Variants in NAALADL2 observed in about 807,000 individuals in gnomAD.
NAALADL2 encodes N-acetylated alpha-linked acidic dipeptidase like 2.
A neutral mutation model predicts 87.2 loss-of-function variants in NAALADL2; 76 were observed. That is an observed-to-expected ratio of 0.87 (90% CI 0.72 to 1.05). NAALADL2 has a LOEUF of 1.05. Ranked by LOEUF, NAALADL2 falls within the 50% of genes least tolerant of loss-of-function variation. The probability of loss-of-function intolerance (pLI) is 0.00; values close to 1 mark genes in which losing one functional copy is unlikely to be tolerated. For synonymous variants in NAALADL2, 354 were observed against 331.0 expected, an observed-to-expected ratio of 1.07 and a Z score of -0.75; for missense variants, 1,089 against 945.8, an observed-to-expected ratio of 1.15 and a Z score of -1.99.
chr3:175,181,678 C>CATATATATATATATATATATAT (rs140291952), intron 2 of NAALADL2, among the ~76,000 whole-genome samples: 20 of 51,884 alleles, frequency 3.9e-4, no homozygotes, highest in Admixed American at 1.0e-3. Flanking sequence ...ATTCCATTGG[C>CATATATATATATATATATATAT]ATATATATAT....
intron 2 of NAALADL2, among the ~76,000 whole-genome samples, chr3:175,109,434 A>G (rs929588240): frequency 2.0e-5 from 3 of 151,934 alleles, no homozygotes; most frequent in Non-Finnish European, 4.4e-5. Context: ...AGATACCTGC[A>G]TTTATGGTGT....
chr3:175,376,988 G>T (rs771439070), intron 5 of NAALADL2, among the ~76,000 whole-genome samples: 5 of 148,356 alleles, frequency 3.4e-5, no homozygotes, highest in African/African-American at 5.0e-5. Context: ...GTATTTATTT[G>T]CTTACCTGGC....
chr3:175,329,676 G>A (rs114274025), intron 5 of NAALADL2, among the ~76,000 whole-genome samples: 1,897 of 152,184 alleles, frequency 0.012, 44 homozygotes, highest in African/African-American at 0.043. Context: ...GTAAGTGTCT[G>A]GTGGTTCTTA....
chr3:175,540,663 G>A (rs1024577197), intron 9 of NAALADL2, among the ~76,000 whole-genome samples: 8 of 152,202 alleles, frequency 5.3e-5, no homozygotes, highest in African/African-American at 1.7e-4. Context: ...GACTCAGGTG[G>A]CACTTCTGGG....
chr3:175,803,249 A>T lies in NAALADL2; in HGVS notation c.*46A>T. On this transcript the variant is annotated 3_prime_UTR_variant, in exon 14 of 14. Transcript: ENST00000454872. ...AAAGTTTGTTTACAATTCCACAAGC[A>T]AAAGCTCTAATTTAACCAGATTTTC... The T allele has an allele frequency of 7.0e-7, 1 of 1,433,234 alleles. No individual in the cohort carries two copies. 88.8% of individuals were successfully genotyped at this position (1,433,234 alleles called of 1,614,324 possible).
chr3:175,499,983 G>T (rs565714917), intron 9 of NAALADL2, among the ~76,000 whole-genome samples: 52 of 152,072 alleles, frequency 3.4e-4, no homozygotes, highest in African/African-American at 1.3e-3. Context: ...TCCAAGTAGA[G>T]CGTCAATATT....
At chr3:174,887,925 A>C (rs546374741) in intron 1 of NAALADL2, among the ~76,000 whole-genome samples, 33 of 152,214 alleles carry the variant, frequency 2.2e-4, no homozygotes, top group Non-Finnish European at 3.7e-4. Flanking sequence ...CAATAAATAA[A>C]AATACAGAAA....
At chr3:175,113,693 G>A (rs897283392) in intron 2 of NAALADL2, among the ~76,000 whole-genome samples, 2 of 151,532 alleles carry the variant, frequency 1.3e-5, no homozygotes, top group African/African-American at 2.4e-5. Flanking sequence ...AAAGAGGCTA[G>A]TTGGACCCTG....
chr3:175,266,294 A>G (rs1751922670), intron 4 of NAALADL2, among the ~76,000 whole-genome samples: 2 of 151,434 alleles, frequency 1.3e-5, no homozygotes, highest in South Asian at 4.1e-4. Context: ...TTAAATTTAA[A>G]CATACAACAC....
chr3:175,781,407 T>C (rs1751047498), intron 13 of NAALADL2, among the ~76,000 whole-genome samples: 1 of 152,106 alleles, frequency 6.6e-6, no homozygotes, highest in Non-Finnish European at 1.5e-5. Flanking sequence ...GCATGACTCA[T>C]GTGTTTGTAG....
intron 3 of NAALADL2, among the ~76,000 whole-genome samples, chr3:174,838,695 C>A (rs984573356): frequency 3.9e-5 from 6 of 152,082 alleles, no homozygotes; most frequent in African/African-American, 1.4e-4. Flanking sequence ...TTCTATACAC[C>A]AATAGCGACC....
intron 5 of NAALADL2, among the ~76,000 whole-genome samples, chr3:175,430,309 A>G (rs1166710030): frequency 6.6e-6 from 1 of 151,772 alleles, no homozygotes; most frequent in East Asian, 1.9e-4. Context: ...GTATACATAC[A>G]TATACATATA....
At chr3:175,457,951 C>G (rs1722569531) in intron 6 of NAALADL2, among the ~76,000 whole-genome samples, 1 of 151,938 alleles carries the variant, frequency 6.6e-6, no homozygotes, top group Admixed American at 6.6e-5. Context: ...GATTTATATT[C>G]ATAATAGATT....
intron 1 of NAALADL2, among the ~76,000 whole-genome samples, chr3:175,016,733 G>A (rs979998977): frequency 6.6e-6 from 1 of 151,750 alleles, no homozygotes; most frequent in Non-Finnish European, 1.5e-5. Context: ...AATGATCATA[G>A]GAATCATAAT....
intron 2 of NAALADL2, among the ~76,000 whole-genome samples, chr3:175,155,702 C>G (rs932066618): frequency 6.6e-6 from 1 of 152,042 alleles, no homozygotes; most frequent in Non-Finnish European, 1.5e-5. Flanking sequence ...ATGACTATTA[C>G]ATTTAGAATA....
At chr3:175,762,083 G>T (rs1748091891) in intron 13 of NAALADL2, among the ~76,000 whole-genome samples, 2 of 151,554 alleles carry the variant, frequency 1.3e-5, no homozygotes, top group African/African-American at 4.8e-5. Flanking sequence ...AAGTCACTCA[G>T]ATTTTCTGTT....
At chr3:174,441,930 A>G (rs946244164) in intron 1 of NAALADL2, among the ~76,000 whole-genome samples, 1 of 152,040 alleles carries the variant, frequency 6.6e-6, no homozygotes, top group Admixed American at 6.5e-5. Context: ...GCTGGACTGA[A>G]AGTTGTGTTG....
At chr3:174,848,449 G>A (rs1724881511) in intron 3 of NAALADL2, among the ~76,000 whole-genome samples, 2 of 152,078 alleles carry the variant, frequency 1.3e-5, no homozygotes, top group Admixed American at 6.6e-5. Flanking sequence ...TTAGAAGTGG[G>A]ATTTTGGAAA....
chr3:175,021,539 T>G (rs1218084413), intron 1 of NAALADL2, among the ~76,000 whole-genome samples: 1 of 151,906 alleles, frequency 6.6e-6, no homozygotes, highest in Non-Finnish European at 1.5e-5. Context: ...GTGTACAAAA[T>G]GCAGTGGTCT....
Sources: allele counts gnomAD v4.1 joint callset (sites outside exome capture counted in the v4.1 genomes callset), GRCh38; gene constraint gnomAD v4.1.1; transcripts MANE v1.5; gene names NCBI Gene and HGNC (gene_info 2026-07-23, HGNC 2026-07-21).